The following CDH20 variants were observed in gnomAD, a reference collection of about 807,000 sequenced individuals.
CDH20 encodes cadherin 20.
CDH20 carries 29 observed loss-of-function variants against 74.2 expected under a neutral mutation model. The observed-to-expected ratio is 0.39, with a 90% CI of 0.29 to 0.53. The LOEUF is 0.53. Among genes scored for constraint, CDH20 ranks in the 20% least tolerant of loss-of-function variants. The probability of loss-of-function intolerance (pLI) is 0.69; values close to 1 mark genes in which losing one functional copy is unlikely to be tolerated. For synonymous variants in CDH20, 469 were observed against 405.4 expected (o/e 1.16, Z -1.88); for missense variants, 988 against 1,048.3 (o/e 0.94, Z 0.79).
chr18:61,536,603 A>G lies in CDH20; in HGVS notation c.1382A>G (p.Asn461Ser), dbSNP rs1475928006. Reference sequence around the variant, plus strand: ...GACCGGGAAGAATTTTCTTGGCATAATATCACTGTCCTTGCTATGGAAATG... The same window carrying G: ...GACCGGGAAGAATTTTCTTGGCATAGTATCACTGTCCTTGCTATGGAAATG... ...PLDREEFSWH[N>S]ITVLAMEMNN... Residue 461 changes from asparagine (N) to serine (S), a missense_variant, in exon 8 of 12, where the codon AAT (asparagine) becomes AGT (serine). Coordinates refer to ENST00000262717, the MANE Select transcript of CDH20 (RefSeq NM_031891.4). 2 of 1,614,014 alleles carry G rather than the reference A, an allele frequency of 1.2e-6. No homozygotes were observed. Among genetic ancestry groups the G allele is most frequent in the Non-Finnish European group, 1.7e-6 (2 of 1,179,890 alleles).
chr18:61,490,866 A>G, intron 2 of CDH20, 67 bp downstream of exon 2: 5 of 1,539,134 alleles, frequency 3.2e-6, no homozygotes, highest in Non-Finnish European at 4.5e-6. Flanking sequence ...TTGAGTATCA[A>G]AGTTGACCTA....
rs1185752282 is a variant in CDH20, at chr18:61,353,020, T to C, written c.-153+19193T>C. Among the ~76,000 whole-genome samples, 1 of 152,184 alleles carries C rather than the reference T, an allele frequency of 6.6e-6. No homozygotes were observed. The highest frequency in any genetic ancestry group is 1.9e-4 in the East Asian group (1 of 5,206). On this transcript the variant is annotated intron_variant, in intron 1 of 11. Coordinates refer to ENST00000262717, the MANE Select transcript of CDH20 (RefSeq NM_031891.4). The surrounding 1 kb of genome is among the most constrained non-coding windows in gnomAD (Gnocchi z 4.6). The stretch of plus-strand genomic sequence containing the variant: ...AAACATATAAACAAAGCCAACATGG[T>C]CTCCCAGTCAGCCTCTTCTCTAGCA...
chr18:61,404,185 C>T (rs775814928), intron 1 of CDH20, among the ~76,000 whole-genome samples: 24 of 152,152 alleles, frequency 1.6e-4, no homozygotes, highest in Admixed American at 1.4e-3. Flanking sequence ...ATGTAACAAA[C>T]CTGCACGTCC....
At chr18:61,367,248 A>G (rs1024547947) in intron 1 of CDH20, among the ~76,000 whole-genome samples, 1 of 152,172 alleles carries the variant, frequency 6.6e-6, no homozygotes, top group African/African-American at 2.4e-5. Flanking sequence ...CTGACACGGG[A>G]AAATGAGTAA....
In CDH20 at chr18:61,500,459, C is replaced by A. The variant is rs867559385; in HGVS notation, c.618C>A (p.Ser206Arg). Residue 206 changes from serine to arginine, a missense_variant, in exon 4 of 12, where the codon AGC becomes AGA. Ser to Arg is a moderately radical substitution (Grantham distance 110). This residue lies in a region of CDH20 where 613 missense variants were observed against 755.2 expected (regional missense o/e 0.81). Coordinates refer to ENST00000262717, the MANE Select transcript of CDH20 (RefSeq NM_031891.4). ...GCAACAGTGCCAGGGTGGTGTACAG[C>A]ATTCTTCAGGGCCAGCCATATTTTT... ...TYGNSARVVY[S>R]ILQGQPYFSV... 6.2e-7 allele frequency: 1 copy of A among 1,612,558 alleles called. No homozygotes were observed. Among genetic ancestry groups the A allele is most frequent in the African/African-American group, 1.3e-5 (1 of 74,908 alleles).
At chr18:61,410,484 C>T (rs953719345) in intron 1 of CDH20, among the ~76,000 whole-genome samples, 3 of 152,148 alleles carry the variant, frequency 2.0e-5, no homozygotes, top group African/African-American at 7.2e-5. Context: ...TCCCAGAACC[C>T]CAAATCAATT....
intron 1 of CDH20, among the ~76,000 whole-genome samples, chr18:61,350,517 T>C (rs1276835830): frequency 6.6e-6 from 1 of 152,114 alleles, no homozygotes; most frequent in African/African-American, 2.4e-5. Context: ...CTAGAACTTA[T>C]TATTATCTTC....
chr18:61,407,306 T>C (rs759760747), intron 1 of CDH20, among the ~76,000 whole-genome samples: 4 of 152,218 alleles, frequency 2.6e-5, no homozygotes, highest in Admixed American at 1.3e-4. Flanking sequence ...TTCCTGGGTC[T>C]AAAACTGGCC....
chr18:61,376,118 T>C (rs1911220609), intron 1 of CDH20, among the ~76,000 whole-genome samples: 1 of 152,102 alleles, frequency 6.6e-6, no homozygotes, highest in Non-Finnish European at 1.5e-5. Flanking sequence ...GCAGAGAATA[T>C]TATAGAATTT....
intron 1 of CDH20, among the ~76,000 whole-genome samples, chr18:61,425,061 CT>C (rs1913025377): frequency 6.6e-6 from 1 of 151,396 alleles, no homozygotes; most frequent in Non-Finnish European, 1.5e-5. Flanking sequence ...CTCTCTCTCT[CT>C]CTCTCTCTCT....
At chr18:61,501,211 A>G (rs1369095808) in intron 4 of CDH20, among the ~76,000 whole-genome samples, 1 of 152,222 alleles carries the variant, frequency 6.6e-6, no homozygotes, top group African/African-American at 2.4e-5. Context: ...GGCAGAAAAG[A>G]CAAACAGGAG....
chr18:61,479,815 T>A (rs937347995), intron 1 of CDH20, among the ~76,000 whole-genome samples: 3 of 152,118 alleles, frequency 2.0e-5, no homozygotes, highest in Non-Finnish European at 2.9e-5. Flanking sequence ...GGTAAGCAAC[T>A]GCTATTCTGG....
intron 1 of CDH20, among the ~76,000 whole-genome samples, chr18:61,443,111 G>A (rs1009807451): frequency 6.6e-6 from 1 of 152,136 alleles, no homozygotes; most frequent in East Asian, 1.9e-4. Context: ...AGGAAGAAAA[G>A]GGACATTCTT....
At chr18:61,540,888 A>G (rs1343640768) in intron 9 of CDH20, among the ~76,000 whole-genome samples, 1 of 152,222 alleles carries the variant, frequency 6.6e-6, no homozygotes, top group Non-Finnish European at 1.5e-5. Context: ...AGGGGAAGAA[A>G]GATGTTCCAT....
rs191449937 is a variant in CDH20 at position 61,439,267 on chromosome 18, T to C, written c.-152-51135T>C. 7.0e-4 allele frequency among the ~76,000 whole-genome samples: 106 copies of C among 152,322 alleles called. 1 individual carries two copies. In the Middle Eastern group the frequency reaches 0.01, roughly 15 times the overall value. On this transcript the variant is annotated intron_variant, in intron 1 of 11. Coordinates refer to ENST00000262717, the MANE Select transcript of CDH20 (RefSeq NM_031891.4). ...TAATCTAAAATAAAAGTTGAAATTATTTTAAATGTTATTTCAAATCAGTTT... is the reference window on the plus strand; with the variant it reads ...TAATCTAAAATAAAAGTTGAAATTACTTTAAATGTTATTTCAAATCAGTTT...
rs1392044646 is a variant in CDH20 at position 61,554,637 on chromosome 18, G to A, written c.2348G>A (p.Arg783His). Residue 783 changes from arginine (R) to histidine (H), a missense_variant, in exon 12 of 12, where the codon CGC becomes CAC. By Grantham distance (29) the Arg-to-His change is conservative. Around this residue, in one of 2 missense-constraint regions of CDH20, gnomAD observed 375 missense variants for 293.1 expected, o/e 1.28. Coordinates refer to ENST00000262717, the MANE Select transcript of CDH20 (RefSeq NM_031891.4). ...GACTTCCTGACGGACTGGGGGCCCC[G>A]CTTCCGGAAGCTGGCCGAGCTCTAC... ...SFDFLTDWGP[R>H]FRKLAELYGA... 3 of 1,600,322 alleles carry A rather than the reference G, an allele frequency of 1.9e-6. No homozygotes were observed. Among genetic ancestry groups the A allele is most frequent in the Non-Finnish European group, 1.7e-6 (2 of 1,173,972 alleles).
At chr18:61,515,239 T>G (rs1911950882) in intron 6 of CDH20, among the ~76,000 whole-genome samples, 1 of 152,144 alleles carries the variant, frequency 6.6e-6, no homozygotes, top group South Asian at 2.1e-4. Flanking sequence ...AAGCGCAATA[T>G]TCGGGTAGGA....
Position 61,490,573 on chromosome 18 carries a change from T to C in CDH20, c.20T>C (p.Met7Thr), listed in dbSNP as rs755600247. The change falls in exon 2 of 12, where the codon ATG becomes ACG. Residue 7 changes from methionine (M) to threonine (T), a missense_variant. Physicochemically the swap from Met to Thr is moderately conservative, Grantham distance 81. Coordinates refer to ENST00000262717, the MANE Select transcript of CDH20 (RefSeq NM_031891.4). MWTSGRMSNAKNWLGLG... is the reference protein window; with the variant it reads MWTSGRTSNAKNWLGLG... ...AATCCCATGTGGACTTCTGGTAGAA[T>C]GAGCAATGCAAAGAACTGGCTTGGA... 1.6e-5 allele frequency: 26 copies of C among 1,613,998 alleles called. No individual in the cohort carries two copies. Among genetic ancestry groups the C allele is most frequent in the Non-Finnish European group, 1.8e-5 (21 of 1,179,962 alleles).
intron 1 of CDH20, among the ~76,000 whole-genome samples, chr18:61,347,204 T>G (rs2144103465): frequency 6.7e-6 from 1 of 149,444 alleles, no homozygotes; most frequent in African/African-American, 2.5e-5. Context: ...ATCCTAGCAC[T>G]TAGGGAGGGC....
Sources: gnomAD v4.1 joint callset for allele counts (sites outside exome capture counted in the v4.1 genomes callset) on GRCh38, gnomAD v4.1.1 for gene constraint, gnomAD v4.1.1 regional missense constraint, Gnocchi (gnomAD v3.1) non-coding constraint, MANE v1.5 for transcripts, NCBI Gene and HGNC (gene_info 2026-07-23, HGNC 2026-07-21) for gene names.